The following RBFOX1 variants were observed in gnomAD, a reference collection of about 807,000 sequenced individuals.
The protein encoded by RBFOX1 is RNA binding protein fox-1 homolog 1.
In RBFOX1, 8 loss-of-function variants were observed where a neutral mutation model predicts 57.7. The ratio of observed to expected loss-of-function variants is 0.14; its 90% CI spans 0.08 to 0.25. The LOEUF (loss-of-function observed/expected upper bound fraction) is 0.25. Among genes scored for constraint, RBFOX1 ranks in the 10% least tolerant of loss-of-function variants. RBFOX1 has a pLI of 1.00. For synonymous variants in RBFOX1, 326 were observed against 222.4 expected, an observed-to-expected ratio of 1.47 and a Z score of -4.15; for missense variants, 611 against 548.5, an observed-to-expected ratio of 1.11 and a Z score of -1.14.
chr16:7,363,253 C>T (rs575352764), intron 4 of RBFOX1, among the ~76,000 whole-genome samples: 12 of 152,138 alleles, frequency 7.9e-5, no homozygotes, highest in Middle Eastern at 3.4e-3. Context: ...TGTTACTGGG[C>T]GGGGGGAAAA....
At chr16:7,654,207 C>T (rs896354827) in intron 12 of RBFOX1, among the ~76,000 whole-genome samples, 2 of 152,222 alleles carry the variant, frequency 1.3e-5, no homozygotes, top group Non-Finnish European at 2.9e-5. Flanking sequence ...CTCTTTGAGA[C>T]TGAATGCTGG....
At chr16:5,918,322 G>T (rs2058751668) in intron 4 of RBFOX1, among the ~76,000 whole-genome samples, 1 of 152,118 alleles carries the variant, frequency 6.6e-6, no homozygotes, top group Non-Finnish European at 1.5e-5. Context: ...GTTTCACCAT[G>T]TTGGCCAGGC....
intron 2 of RBFOX1, among the ~76,000 whole-genome samples, chr16:6,414,289 A>G (rs972134642): frequency 3.3e-5 from 5 of 152,224 alleles, no homozygotes; most frequent in African/African-American, 1.2e-4. Flanking sequence ...GTATGTAGAC[A>G]TATGTACTTA....
chr16:6,212,074 T>C (rs2097302169), intron 1 of RBFOX1, among the ~76,000 whole-genome samples: 1 of 152,058 alleles, frequency 6.6e-6, no homozygotes, highest in Non-Finnish European at 1.5e-5. Context: ...GCCAGGCTAG[T>C]CTTGAACTCT....
At chr16:7,175,280 A>T (rs893188642) in intron 4 of RBFOX1, among the ~76,000 whole-genome samples, 1 of 151,990 alleles carries the variant, frequency 6.6e-6, no homozygotes, top group Non-Finnish European at 1.5e-5. Flanking sequence ...GCTCCCACTT[A>T]TAAGTGAGAA....
chr16:5,907,277 G>C (rs2058483064), intron 4 of RBFOX1, among the ~76,000 whole-genome samples: 2 of 151,862 alleles, frequency 1.3e-5, no homozygotes, highest in South Asian at 2.1e-4. Flanking sequence ...TTCTCATCCT[G>C]CCTCATCCTC....
At chr16:6,172,115 C>A (rs183776584) in intron 1 of RBFOX1, among the ~76,000 whole-genome samples, 60 of 152,226 alleles carry the variant, frequency 3.9e-4, no homozygotes, top group Admixed American at 1.1e-3. Context: ...GCCACCGAGC[C>A]CAGCTAGCTG....
At chr16:5,880,076 A>G (rs1195242855) in intron 4 of RBFOX1, among the ~76,000 whole-genome samples, 1 of 152,122 alleles carries the variant, frequency 6.6e-6, no homozygotes, top group African/African-American at 2.4e-5. Context: ...AAGCACCTCT[A>G]TTCTCATCTC....
intron 5 of RBFOX1, among the ~76,000 whole-genome samples, chr16:7,541,331 C>A (rs919676186): frequency 2.0e-5 from 3 of 152,196 alleles, no homozygotes; most frequent in East Asian, 1.9e-4. Context: ...GGCAAAGGAC[C>A]AGCTCCACGT....
At chr16:5,988,935 C>T (rs774930514) in intron 4 of RBFOX1, among the ~76,000 whole-genome samples, 4 of 152,044 alleles carry the variant, frequency 2.6e-5, no homozygotes, top group Non-Finnish European at 4.4e-5. Context: ...TGCTCCAAAC[C>T]CTCCCTCTGT....
At chr16:7,320,621 G>A (rs1280106572) in intron 4 of RBFOX1, among the ~76,000 whole-genome samples, 1 of 152,216 alleles carries the variant, frequency 6.6e-6, no homozygotes, top group Non-Finnish European at 1.5e-5. Context: ...AAGCAAAAAT[G>A]GGGATTTGTT....
intron 4 of RBFOX1, among the ~76,000 whole-genome samples, chr16:5,869,330 C>T (rs538099584): frequency 6.6e-6 from 1 of 152,288 alleles, no homozygotes; most frequent in South Asian, 2.1e-4. Flanking sequence ...CTTATATCTG[C>T]ATCTTATTTG....
chr16:6,745,072 A>C (rs1287679473), intron 3 of RBFOX1, among the ~76,000 whole-genome samples: 1 of 152,118 alleles, frequency 6.6e-6, no homozygotes, highest in Non-Finnish European at 1.5e-5. Flanking sequence ...TTATGATATT[A>C]AGATTTAAGG....
intron 3 of RBFOX1, among the ~76,000 whole-genome samples, chr16:6,686,361 C>G (rs144468184): frequency 6.6e-6 from 1 of 152,302 alleles, no homozygotes; most frequent in Non-Finnish European, 1.5e-5. Flanking sequence ...TTTATTGATG[C>G]TTCAGGAAGC....
At chr16:5,509,887 C>T (rs760526044) in intron 2 of RBFOX1, among the ~76,000 whole-genome samples, 12 of 152,148 alleles carry the variant, frequency 7.9e-5, no homozygotes, top group Admixed American at 2.0e-4. Flanking sequence ...TTGGCGCAGA[C>T]GAGTGGAGGA....
chr16:5,558,083 T>A (rs35255225), intron 2 of RBFOX1, among the ~76,000 whole-genome samples: 61,690 of 151,952 alleles, frequency 0.41, 12,811 homozygotes, highest in East Asian at 0.5. Context: ...TCCATCTTTC[T>A]GAGAGCCACT....
chr16:6,351,073 A>G (rs11648037), intron 2 of RBFOX1, among the ~76,000 whole-genome samples: 33,222 of 151,996 alleles, frequency 0.22, 4,037 homozygotes, highest in Middle Eastern at 0.33. Context: ...AACCACAGCA[A>G]TGTGGCCAAA....
intron 2 of RBFOX1, among the ~76,000 whole-genome samples, chr16:6,512,536 G>C (rs2096276507): frequency 6.6e-6 from 1 of 152,048 alleles, no homozygotes; most frequent in African/African-American, 2.4e-5. Context: ...ACCAAGACTG[G>C]GTGTTGCTAG....
chr16:7,337,334 G>C (rs891925269), intron 4 of RBFOX1, among the ~76,000 whole-genome samples: 7 of 152,168 alleles, frequency 4.6e-5, no homozygotes, highest in African/African-American at 1.7e-4. Context: ...TGGTTTCAAA[G>C]GAAGGGAACT....
Sources: gnomAD v4.1 joint callset for allele counts (sites outside exome capture counted in the v4.1 genomes callset) on GRCh38, gnomAD v4.1.1 for gene constraint, MANE v1.5 for transcripts, NCBI Gene and HGNC (gene_info 2026-07-23, HGNC 2026-07-21) for gene names.